The following GALNT13 variants were observed in gnomAD, a reference collection of about 807,000 sequenced individuals.
GALNT13 encodes polypeptide N-acetylgalactosaminyltransferase 13.
A neutral mutation model predicts 64.2 loss-of-function variants in GALNT13; 28 were observed. That is an observed-to-expected ratio of 0.44 (90% confidence interval 0.32 to 0.60). GALNT13 has a LOEUF of 0.60. GALNT13 is among the 20% of genes least tolerant of loss of function. GALNT13 has a pLI of 0.05. For missense variants in GALNT13, 577 were observed against 669.8 expected (o/e 0.86, Z 1.53); for synonymous variants, 214 against 224.6 (o/e 0.95, Z 0.42).
chr2:154,265,224 A>T (rs1374258464), intron 8 of GALNT13, among the ~76,000 whole-genome samples: 2 of 152,006 alleles, frequency 1.3e-5, no homozygotes, highest in East Asian at 3.8e-4. Flanking sequence ...TCATTAAAAG[A>T]TACAAATTAT....
the GALNT13 span, among the ~76,000 whole-genome samples, chr2:153,130,563 A>G: frequency 6.6e-6 from 1 of 151,400 alleles, no homozygotes; most frequent in African/African-American, 2.4e-5. Flanking sequence ...CCTTTTATCC[A>G]TCTTCCCATC....
At chr2:154,236,235 C>A in intron 4 of GALNT13, 4 of 863,848 alleles carry the variant, frequency 4.6e-6, no homozygotes, top group Non-Finnish European at 5.8e-6. Flanking sequence ...TAACCTCATG[C>A]ATCATATTTT....
intron 3 of GALNT13, among the ~76,000 whole-genome samples, chr2:154,138,585 A>C (rs1490898962): frequency 2.6e-5 from 4 of 151,830 alleles, no homozygotes; most frequent in Non-Finnish European, 5.9e-5. Flanking sequence ...AAAAAAAAAA[A>C]AAAACCTAAA....
the GALNT13 span, among the ~76,000 whole-genome samples, chr2:153,363,659 T>C: frequency 2.6e-4 from 39 of 152,064 alleles, no homozygotes; most frequent in Admixed American, 2.6e-3. Flanking sequence ...TTCCTGGACA[T>C]ATACACCATC....
intron 7 of GALNT13, among the ~76,000 whole-genome samples, chr2:154,252,344 T>A (rs2105889510): frequency 6.7e-6 from 1 of 148,718 alleles, no homozygotes; most frequent in East Asian, 2.0e-4. Flanking sequence ...TTAATTTATT[T>A]TATTTTATTA....
At chr2:153,916,136 C>G (rs569292800) in intron 2 of GALNT13, among the ~76,000 whole-genome samples, 3 of 138,102 alleles carry the variant, frequency 2.2e-5, no homozygotes, top group East Asian at 4.1e-4. Flanking sequence ...TCGTTCCTTC[C>G]TTCCTTCCTT....
the GALNT13 span, among the ~76,000 whole-genome samples, chr2:153,071,046 T>G: frequency 6.6e-6 from 1 of 152,198 alleles, no homozygotes; most frequent in Non-Finnish European, 1.5e-5. Flanking sequence ...TAACCACAGT[T>G]AAACATCCAA....
intron 3 of GALNT13, among the ~76,000 whole-genome samples, chr2:154,069,551 C>G (rs1445587657): frequency 6.6e-6 from 1 of 151,786 alleles, no homozygotes; most frequent in South Asian, 2.1e-4. Context: ...TATATTTAAG[C>G]ATGTTTCTTT....
chr2:154,316,225 G>C (rs1279013801), intron 9 of GALNT13, among the ~76,000 whole-genome samples: 1 of 152,132 alleles, frequency 6.6e-6, no homozygotes. Context: ...ATTAGTAAGT[G>C]AGCTGTATTA....
chr2:154,375,121 G>T (rs1697910627), intron 9 of GALNT13, among the ~76,000 whole-genome samples: 2 of 152,038 alleles, frequency 1.3e-5, no homozygotes, highest in South Asian at 2.1e-4. Context: ...CCAAGTAGCT[G>T]GGACTACAGG....
the GALNT13 span, among the ~76,000 whole-genome samples, chr2:153,362,895 C>T: frequency 6.6e-6 from 1 of 152,130 alleles, no homozygotes; most frequent in Non-Finnish European, 1.5e-5. Context: ...TAAGAGACAT[C>T]TACAGAACTC....
At chr2:153,826,792 T>C in the GALNT13 span, among the ~76,000 whole-genome samples, 3 of 151,976 alleles carry the variant, frequency 2.0e-5, no homozygotes, top group African/African-American at 7.2e-5. Flanking sequence ...GGTAGAAGCA[T>C]CGGATGGGTA....
At chr2:153,857,535 A>G in the GALNT13 span, among the ~76,000 whole-genome samples, 2 of 152,288 alleles carry the variant, frequency 1.3e-5, no homozygotes, top group East Asian at 3.9e-4. Flanking sequence ...GTAAAAAATC[A>G]TTGATTTCAT....
chr2:154,455,788 T>A (rs1378635628), downstream of GALNT13, among the ~76,000 whole-genome samples: 2 of 152,208 alleles, frequency 1.3e-5, no homozygotes, highest in African/African-American at 4.8e-5. Context: ...CTGTATTTGT[T>A]TTAAAAGAAA....
At chr2:154,324,053 T>C (rs1227302581) in intron 9 of GALNT13, among the ~76,000 whole-genome samples, 1 of 152,068 alleles carries the variant, frequency 6.6e-6, no homozygotes, top group African/African-American at 2.4e-5. Flanking sequence ...GTAAAAACAA[T>C]ATAGCAAGGT....
At chr2:153,960,644 G>A (rs905938556) in intron 3 of GALNT13, among the ~76,000 whole-genome samples, 2 of 152,154 alleles carry the variant, frequency 1.3e-5, no homozygotes, top group Admixed American at 1.3e-4. Context: ...CTGGGGTATC[G>A]CCATGGCAAT....
chr2:154,030,801 C>T (rs2139273), intron 3 of GALNT13, among the ~76,000 whole-genome samples: 48,808 of 151,922 alleles, frequency 0.32, 11,148 homozygotes, highest in East Asian at 0.84. Context: ...CCTTGTTTCC[C>T]CTTCACCTTC....
intron 12 of GALNT13, among the ~76,000 whole-genome samples, chr2:154,449,834 C>T (rs1362219148): frequency 6.6e-6 from 1 of 151,766 alleles, no homozygotes; most frequent in African/African-American, 2.4e-5. Context: ...TTTTAAGATT[C>T]TTAAAAATAC....
chr2:154,089,102 T>C (rs927793692), intron 3 of GALNT13, among the ~76,000 whole-genome samples: 1 of 152,042 alleles, frequency 6.6e-6, no homozygotes, highest in Non-Finnish European at 1.5e-5. Context: ...AAATCTCTAT[T>C]ATTATTCAGA....
Sources: allele counts gnomAD v4.1 joint callset (sites outside exome capture counted in the v4.1 genomes callset), GRCh38; gene constraint gnomAD v4.1.1; transcripts MANE v1.5; gene names NCBI Gene and HGNC (gene_info 2026-07-23, HGNC 2026-07-21).